The following ACBD5 variants were observed in gnomAD, a reference collection of about 807,000 sequenced individuals.
ACBD5 encodes the protein acyl-CoA binding domain containing 5, also known as acyl-CoA-binding domain-containing protein 5.
In ACBD5, 40 loss-of-function variants were observed where a neutral mutation model predicts 71.8. That is an observed-to-expected ratio of 0.56 (90% CI 0.43 to 0.72). The LOEUF (loss-of-function observed/expected upper bound fraction) is 0.72, where lower values mean the gene tolerates loss of function less well. ACBD5 is among the 30% of genes least tolerant of loss of function. The pLI is 0.00. For synonymous variants in ACBD5, 229 were observed against 218.6 expected, an observed-to-expected ratio of 1.05 and a Z score of -0.42; for missense variants, 559 against 644.5, an observed-to-expected ratio of 0.87 and a Z score of 1.44.
At chr10:27,201,266 T>C (rs889865577) in intron 12 of ACBD5, among the ~76,000 whole-genome samples, 3 of 152,136 alleles carry the variant, frequency 2.0e-5, no homozygotes, top group Non-Finnish European at 2.9e-5. Context: ...AATAGCAGAG[T>C]TGTCAGGCTA....
chr10:27,204,261 C>T (rs1186544272), intron 12 of ACBD5, among the ~76,000 whole-genome samples, 179 bp downstream of exon 12: 1 of 151,604 alleles, frequency 6.6e-6, no homozygotes, highest in African/African-American at 2.4e-5. Context: ...CTAACAAGTA[C>T]CTAGGAATCC....
In ACBD5 at chr10:27,223,320, T is replaced by C. The variant is rs1410866143; in HGVS notation, c.490+18A>G. On this transcript the variant is annotated intron_variant, in intron 5 of 12. Transcript: ENST00000396271. ...ATATATCAGTTGATGAATTTAAAAATAGGTAAAATAGTCCAACCTGAGGTT... is the reference window on the plus strand; with the variant it reads ...ATATATCAGTTGATGAATTTAAAAACAGGTAAAATAGTCCAACCTGAGGTT... 1.8e-5 allele frequency: 28 copies of C among 1,552,962 alleles called. No homozygotes were observed. The highest frequency in any genetic ancestry group is 2.3e-5 in the Non-Finnish European group (26 of 1,124,380).
At chr10:27,231,690 C>T in intron 4 of ACBD5, 58 bp downstream of exon 4, 1 of 1,475,114 alleles carries the variant, frequency 6.8e-7, no homozygotes, top group Admixed American at 1.7e-5. Flanking sequence ...TGTCTGATAA[C>T]CAAATTAAAT....
intron 4 of ACBD5, among the ~76,000 whole-genome samples, chr10:27,228,791 T>TATATATATATATA (rs2063411422): frequency 3.6e-4 from 8 of 22,114 alleles, no homozygotes; most frequent in South Asian, 1.6e-3. Context: ...CCTATTATGT[T>TATATATATATATA]TATATATATA....
At chr10:27,220,411 G>C (rs16927642) in intron 5 of ACBD5, 4,604 of 153,070 alleles carry the variant, frequency 0.03, 71 homozygotes, top group African/African-American at 0.035. Flanking sequence ...TATATCCCGA[G>C]GGTAAATACA....
At chr10:27,187,432 G>A (rs192117894) in intron 13 of ACBD5, among the ~76,000 whole-genome samples, 6 of 152,196 alleles carry the variant, frequency 3.9e-5, no homozygotes, top group Middle Eastern at 3.4e-3. Flanking sequence ...CTATTGGTGC[G>A]TAGTCCACAA....
chr10:27,234,482 C>T (rs2064351587), intron 3 of ACBD5, among the ~76,000 whole-genome samples: 1 of 117,182 alleles, frequency 8.5e-6, no homozygotes, highest in Admixed American at 1.1e-4. Flanking sequence ...TTGGGAGTTG[C>T]TCTTGCCTTA....
At chr10:27,200,858 T>C (rs748893834) in intron 12 of ACBD5, among the ~76,000 whole-genome samples, 3 of 152,138 alleles carry the variant, frequency 2.0e-5, no homozygotes, top group Non-Finnish European at 4.4e-5. Flanking sequence ...GGGGTCTGGA[T>C]TGGGGCCCCT....
chr10:27,209,994 A>T (rs1333297680), intron 9 of ACBD5, among the ~76,000 whole-genome samples: 1 of 152,204 alleles, frequency 6.6e-6, no homozygotes, highest in Non-Finnish European at 1.5e-5. Flanking sequence ...ATTTCCCCTG[A>T]TCTCTTTAAG....
At chr10:27,217,906 C>A in intron 7 of ACBD5, 74 bp downstream of exon 7, 1 of 1,307,698 alleles carries the variant, frequency 7.6e-7, no homozygotes, top group Non-Finnish European at 1.1e-6. Flanking sequence ...TTAAACTGAT[C>A]CTAAAGATCC....
At chr10:27,224,882 T>C (rs1184725340) in intron 4 of ACBD5, among the ~76,000 whole-genome samples, 8 of 151,772 alleles carry the variant, frequency 5.3e-5, no homozygotes, top group Admixed American at 2.6e-4. Context: ...AATACAAATA[T>C]TAGCCGGGCT....
rs754724965 is a variant in ACBD5 at position 27,240,445 on chromosome 10, GGCA to G, written c.52_54del (p.Cys18del). The G allele has an allele frequency of 6.8e-6, 11 of 1,613,930 alleles. No individual in the cohort carries two copies. The highest frequency in any genetic ancestry group is 8.5e-6 in the Non-Finnish European group (10 of 1,179,938). On this transcript the variant is annotated inframe_deletion, in exon 2 of 13. Coordinates refer to ENST00000396271, the MANE Select transcript of ACBD5 (RefSeq NM_145698.5). The surrounding 1 kb of genome is among the most constrained non-coding windows in gnomAD (Gnocchi z 4.1). ...TCCCAAGGTCTGTCGGCGGGAATCA[GGCA>G]GCAGCAGCACCAGCTTTCCCAAGAG...
intron 10 of ACBD5, 110 bp downstream of exon 10, chr10:27,208,136 T>C: frequency 8.4e-7 from 1 of 1,193,716 alleles, no homozygotes; most frequent in Non-Finnish European, 1.2e-6. Context: ...TTCTATTTTC[T>C]AAAAAAATCA....
intron 5 of ACBD5, among the ~76,000 whole-genome samples, chr10:27,221,917 CAAAAAAAAAAAAA>C (rs56253187): frequency 5.2e-5 from 4 of 77,140 alleles, no homozygotes; most frequent in African/African-American, 1.5e-4. Flanking sequence ...GACTCCATCT[CAAAAAAAAAAAAA>C]AAAAAAAAAG....
intron 12 of ACBD5, among the ~76,000 whole-genome samples, chr10:27,198,906 C>G (rs976703619): frequency 3.3e-5 from 5 of 152,022 alleles, no homozygotes; most frequent in African/African-American, 1.2e-4. Context: ...GTTGGGAGAT[C>G]AAGACCATCC....
intron 13 of ACBD5, among the ~76,000 whole-genome samples, chr10:27,183,368 C>T (rs1040409638): frequency 1.3e-5 from 2 of 151,876 alleles, no homozygotes; most frequent in Non-Finnish European, 2.9e-5. Context: ...ACTGCAACCT[C>T]CGCCTCCCAG....
chr10:27,194,993 T>G (rs2059265830), downstream of ACBD5, among the ~76,000 whole-genome samples: 1 of 152,148 alleles, frequency 6.6e-6, no homozygotes, highest in South Asian at 2.1e-4. Flanking sequence ...AGACTCTGTC[T>G]CAAAAAAAAG....
At chr10:27,226,246 C>T (rs969670318) in intron 4 of ACBD5, among the ~76,000 whole-genome samples, 3 of 151,862 alleles carry the variant, frequency 2.0e-5, no homozygotes, top group African/African-American at 7.3e-5. Flanking sequence ...TCTATTGATC[C>T]AGTCACCCAT....
chr10:27,209,636 T>C (rs1456740114), intron 9 of ACBD5, among the ~76,000 whole-genome samples: 1 of 152,190 alleles, frequency 6.6e-6, no homozygotes, highest in Non-Finnish European at 1.5e-5. Flanking sequence ...CAAAAGATTT[T>C]AAATGTGTTC....
Sources: gnomAD v4.1 joint callset for allele counts (sites outside exome capture counted in the v4.1 genomes callset) on GRCh38, gnomAD v4.1.1 for gene constraint, Gnocchi (gnomAD v3.1) non-coding constraint, MANE v1.5 for transcripts, NCBI Gene and HGNC (gene_info 2026-07-23, HGNC 2026-07-21) for gene names.